Variants in HAO1 observed in about 807,000 individuals in gnomAD.
HAO1 encodes hydroxyacid oxidase 1.
In HAO1, 34 loss-of-function variants were observed where a neutral mutation model predicts 39.7. That is an observed-to-expected ratio of 0.86 (90% CI 0.65 to 1.14). HAO1 has a LOEUF of 1.14. Among genes scored for constraint, HAO1 ranks in the 50% most tolerant of loss-of-function variants. HAO1 has a pLI of 0.00. For missense variants in HAO1, 479 were observed against 464.5 expected (o/e 1.03, Z -0.29); for synonymous variants, 172 against 173.2 (o/e 0.99, Z 0.05).
In HAO1 at chr20:7,940,419, G is replaced by A. The variant is rs201032514; in HGVS notation, c.4C>T (p.Leu2Phe). 7.5e-6 allele frequency: 12 copies of A among 1,602,466 alleles called. No homozygotes were observed. Among genetic ancestry groups the A allele is most frequent in the African/African-American group, 1.4e-5 (1 of 73,768 alleles). Residue 2 changes from leucine (L) to phenylalanine (F), a missense_variant, in exon 1 of 8, where the codon CTC (leucine) becomes TTC (phenylalanine). Coordinates refer to ENST00000378789, the MANE Select transcript of HAO1 (RefSeq NM_017545.3). ...TCATTGATACAAATTAGCCGGGGGA[G>A]CATTTTCACAGGTTATTGCTATCCC... M[L>F]PRLICINDYE... is the part of the protein sequence containing the mutation.
chr20:7,936,939 C>T (rs1251153366), intron 1 of HAO1, among the ~76,000 whole-genome samples: 1 of 152,126 alleles, frequency 6.6e-6, no homozygotes, highest in East Asian at 1.9e-4. Context: ...TTCCCACAAT[C>T]ATACATAAAA....
chr20:7,920,291 C>T (rs2050324883), intron 2 of HAO1, among the ~76,000 whole-genome samples: 1 of 152,082 alleles, frequency 6.6e-6, no homozygotes, highest in Non-Finnish European at 1.5e-5. Context: ...TTGTAAGCTT[C>T]CTGAGGCCTC....
chr20:7,913,350 T>C (rs963540313), intron 3 of HAO1, among the ~76,000 whole-genome samples: 2 of 152,138 alleles, frequency 1.3e-5, no homozygotes, highest in African/African-American at 2.4e-5. Flanking sequence ...TTTAAAATAC[T>C]TATAGGCCTG....
intron 2 of HAO1, among the ~76,000 whole-genome samples, chr20:7,922,917 G>A (rs1365523554): frequency 1.3e-5 from 2 of 151,952 alleles, no homozygotes; most frequent in Admixed American, 6.6e-5. Flanking sequence ...CAAAAAATGG[G>A]CTACGGCCAG....
Position 7,932,226 on chromosome 20 carries a change from T to C in HAO1, c.289+2258A>G, listed in dbSNP as rs557873526. 5.1e-4 allele frequency among the ~76,000 whole-genome samples: 78 copies of C among 152,184 alleles called. 1 individual carries two copies. Among genetic ancestry groups the C allele is most frequent in the Non-Finnish European group, 1.0e-3 (68 of 68,042 alleles). Reference sequence around the variant, plus strand: ...AAGTTTCCTGAGGCCTCCCCAGCCATGTAGAACTGTGAGTCAGTTAAACCT... The same window carrying C: ...AAGTTTCCTGAGGCCTCCCCAGCCACGTAGAACTGTGAGTCAGTTAAACCT... On this transcript the variant is annotated intron_variant, in intron 2 of 7. Transcript: ENST00000378789.
At chr20:7,887,151 G>A (rs1189448680) in intron 5 of HAO1, among the ~76,000 whole-genome samples, 2 of 152,102 alleles carry the variant, frequency 1.3e-5, no homozygotes, top group African/African-American at 4.8e-5. Context: ...TAATACAATT[G>A]GCTACTTTGA....
chr20:7,897,644 T>C (rs1212492916), intron 4 of HAO1, among the ~76,000 whole-genome samples: 1 of 152,114 alleles, frequency 6.6e-6, no homozygotes, highest in Non-Finnish European at 1.5e-5. Context: ...CTCTTCTTTA[T>C]GCTCTAATTT....
At position 7,929,040 on chromosome 20, in the gene HAO1, CA is replaced by C. The variant is rs2050374553; in HGVS notation, c.289+5443del. ...AATCTCAGACTCACTGCAGTCTCCA[CA>C]CAGGAGCTTGCACTGTTTTTTGTTT... On this transcript the variant is annotated intron_variant, in intron 2 of 7. Coordinates refer to ENST00000378789, the MANE Select transcript of HAO1 (RefSeq NM_017545.3). Among the ~76,000 whole-genome samples, 6 of 151,320 alleles carry C rather than the reference CA, an allele frequency of 4.0e-5. No individual in the cohort carries two copies. The South Asian group carries it at 1.3e-3, about 32-fold the overall frequency.
At chr20:7,913,980 C>T (rs191601141) in intron 3 of HAO1, among the ~76,000 whole-genome samples, 184 bp downstream of exon 3, 2 of 152,226 alleles carry the variant, frequency 1.3e-5, no homozygotes, top group Admixed American at 1.3e-4. Flanking sequence ...ATTTATTGGA[C>T]TTTTATAGAG....
intron 2 of HAO1, among the ~76,000 whole-genome samples, chr20:7,926,011 A>G (rs1416533650): frequency 1.3e-5 from 2 of 152,190 alleles, no homozygotes; most frequent in Non-Finnish European, 2.9e-5. Context: ...TCAAATGTCC[A>G]TAATCTTTTA....
At position 7,885,874 on chromosome 20, in the gene HAO1, G is replaced by T; in HGVS notation, c.814-10C>A. ...CTGGCAGAACATCAATCTGGGGAAAGAAAAGTTCAATAATGTGACTCTATT... is the reference window on the plus strand; with the variant it reads ...CTGGCAGAACATCAATCTGGGGAAATAAAAGTTCAATAATGTGACTCTATT... On this transcript the variant is annotated splice_polypyrimidine_tract_variant and intron_variant, in intron 5 of 7. Coordinates refer to ENST00000378789, the MANE Select transcript of HAO1 (RefSeq NM_017545.3). 6.2e-7 allele frequency: 1 copy of T among 1,610,828 alleles called. No homozygotes were observed. Among genetic ancestry groups the T allele is most frequent in the Non-Finnish European group, 8.5e-7 (1 of 1,177,382 alleles).
At chr20:7,900,414 C>A (rs2050216454) in intron 4 of HAO1, among the ~76,000 whole-genome samples, 1 of 152,126 alleles carries the variant, frequency 6.6e-6, no homozygotes, top group African/African-American at 2.4e-5. Context: ...AACCCCGCAT[C>A]AAGCAAGTGT....
chr20:7,924,119 A>C (rs1360146262), intron 2 of HAO1, among the ~76,000 whole-genome samples: 1 of 152,110 alleles, frequency 6.6e-6, no homozygotes, highest in Non-Finnish European at 1.5e-5. Flanking sequence ...CCAAGGAATT[A>C]AACTGTGTTC....
intron 2 of HAO1, among the ~76,000 whole-genome samples, chr20:7,923,900 T>C (rs1286077846): frequency 6.6e-6 from 1 of 152,168 alleles, no homozygotes; most frequent in Non-Finnish European, 1.5e-5. Context: ...ATATGTGTGA[T>C]GTCCTGAGCA....
chr20:7,899,730 ATTTAT>A (rs2122761174), intron 4 of HAO1, among the ~76,000 whole-genome samples: 1 of 152,256 alleles, frequency 6.6e-6, no homozygotes, highest in African/African-American at 2.4e-5. Context: ...CAGTTTTACA[ATTTAT>A]TTTAACACAG....
rs1555774936 is a variant in HAO1 at position 7,924,223 on chromosome 20, G to GT, written c.290-9805dup. 3.4e-3 allele frequency among the ~76,000 whole-genome samples: 504 copies of GT among 149,952 alleles called. 1 individual carries two copies. The highest frequency in any genetic ancestry group is 9.9e-3 in the African/African-American group (403 of 40,838). On this transcript the variant is annotated intron_variant, in intron 2 of 7. Transcript: ENST00000378789. ...TGTTGTTGTTGTTGTTGTTGTTGTT[G>GT]TTGTTTGTTTGTTTAGCTTGCTTAT...
intron 2 of HAO1, among the ~76,000 whole-genome samples, chr20:7,932,832 A>G (rs1013156368): frequency 6.6e-6 from 1 of 152,174 alleles, no homozygotes; most frequent in African/African-American, 2.4e-5. Flanking sequence ...CTCAAAAATC[A>G]TAATTATTTC....
Position 7,906,349 on chromosome 20 carries a change from A to C in HAO1, c.546-20T>G, listed in dbSNP as rs2050248207. On this transcript the variant is annotated intron_variant, in intron 3 of 7. Transcript: ENST00000378789. The stretch of plus-strand genomic sequence containing the variant: ...TTCATCCTAAAATAAGAAATGCATA[A>C]AATGAGAAATTTGCCAAATTAGAAA... 6 of 1,440,780 alleles carry C rather than the reference A, an allele frequency of 4.2e-6. No individual in the cohort carries two copies. Among genetic ancestry groups the C allele is most frequent in the Non-Finnish European group, 4.9e-6 (5 of 1,027,368 alleles). 89.2% of individuals were successfully genotyped at this position (1,440,780 alleles called of 1,614,324 possible). A position where few individuals can be genotyped will look rare whatever the true frequency, so the allele number is the denominator to read the frequency against.
At position 7,903,332 on chromosome 20, in the gene HAO1, T is replaced by C. The variant is rs529831898; in HGVS notation, c.721+2822A>G. On this transcript the variant is annotated intron_variant, in intron 4 of 7. Coordinates refer to ENST00000378789, the MANE Select transcript of HAO1 (RefSeq NM_017545.3). ...AGCTTTCTCTAATTAGATAGACTTA[T>C]AGTTTTCATCAAGAAGTTCAGTAAA... 1.1e-4 allele frequency among the ~76,000 whole-genome samples: 17 copies of C among 152,064 alleles called. No individual in the cohort carries two copies. The South Asian group carries it at 3.3e-3, about 30-fold the overall frequency.
Sources: gnomAD v4.1 joint callset for allele counts (sites outside exome capture counted in the v4.1 genomes callset) on GRCh38, gnomAD v4.1.1 for gene constraint, MANE v1.5 for transcripts, NCBI Gene and HGNC (gene_info 2026-07-23, HGNC 2026-07-21) for gene names.